DMD: variants seen among roughly 807,000 people sequenced by gnomAD.
DMD encodes the protein mutant dystrophin.
Under a neutral mutation model 330.1 loss-of-function variants are expected in DMD, and 63 were observed. The observed-to-expected ratio is 0.19, with a 90% CI of 0.16 to 0.24. DMD has a LOEUF of 0.24. Ranked by LOEUF, DMD falls within the 10% of genes least tolerant of loss-of-function variation. The pLI, the probability that DMD is intolerant of heterozygous loss-of-function variation, is 1.00. For missense variants in DMD, 3,344 were observed against 2,684.1 expected, an observed-to-expected ratio of 1.25 and a Z score of -5.43; for synonymous variants, 1,223 against 959.8, an observed-to-expected ratio of 1.27 and a Z score of -5.07.
intron 1 of DMD, among the ~76,000 whole-genome samples, chrX:33,045,315 T>TACACACACACACACAC (rs55970492): frequency 0.076 from 7,314 of 96,539 alleles, 255 homozygotes; most frequent in Admixed American, 0.11. Flanking sequence ...CACAGGTGCG[T>TACACACACACACACAC]ACACACACAC....
chrX:31,765,624 A>G (rs1415817914), intron 51 of DMD, among the ~76,000 whole-genome samples: 1 of 112,157 alleles, frequency 8.9e-6, no homozygotes, highest in Non-Finnish European at 1.9e-5. Flanking sequence ...CTATTAAAAT[A>G]TCTACTTAAT....
At chrX:31,677,951 T>C (rs2082169926) in intron 53 of DMD, among the ~76,000 whole-genome samples, 1 of 112,101 alleles carries the variant, frequency 8.9e-6, no homozygotes, top group South Asian at 3.7e-4. Flanking sequence ...TAAAACACCA[T>C]GGATTGACTG....
intron 48 of DMD, among the ~76,000 whole-genome samples, chrX:31,847,436 G>T (rs975812597): frequency 1.3e-4 from 15 of 111,441 alleles, no homozygotes; most frequent in African/African-American, 4.9e-4. Context: ...TTATTTGCAG[G>T]TTGAATTTAT....
chrX:32,223,103 GT>G (rs1243974837), intron 43 of DMD, among the ~76,000 whole-genome samples: 1 of 111,571 alleles, frequency 9.0e-6, no homozygotes, highest in Non-Finnish European at 1.9e-5. Flanking sequence ...GATTGTCTTA[GT>G]CTGTTTGTGC....
At chrX:33,039,278 G>A (rs2094257227) in intron 1 of DMD, among the ~76,000 whole-genome samples, 1 of 111,107 alleles carries the variant, frequency 9.0e-6, no homozygotes, top group Non-Finnish European at 1.9e-5. Context: ...ACTCCCTGGT[G>A]ACTGCACTTG....
At chrX:31,528,143 G>C (rs1419970760) in intron 55 of DMD, among the ~76,000 whole-genome samples, 1 of 106,791 alleles carries the variant, frequency 9.4e-6, no homozygotes, top group Non-Finnish European at 1.9e-5. Context: ...ATGGAGAGAT[G>C]TCTTGTTTTA....
At chrX:33,256,192 T>A (rs1403248913) in intron 1 of DMD, among the ~76,000 whole-genome samples, 1 of 111,441 alleles carries the variant, frequency 9.0e-6, no homozygotes, top group African/African-American at 3.2e-5. Flanking sequence ...CAAGCTAGCA[T>A]GCTATACATC....
At chrX:32,409,529 C>T (rs928169713) in intron 30 of DMD, among the ~76,000 whole-genome samples, 40 of 111,533 alleles carry the variant, frequency 3.6e-4, no homozygotes, top group African/African-American at 1.3e-3. Context: ...TGCCCCTTAT[C>T]ACAACCTGTT....
At chrX:32,059,402 C>T (rs1037444754) in intron 44 of DMD, among the ~76,000 whole-genome samples, 2 of 111,219 alleles carry the variant, frequency 1.8e-5, no homozygotes, top group Admixed American at 9.6e-5. Flanking sequence ...TGCAACTTCT[C>T]GTGAGGGTGG....
chrX:32,630,229 C>T (rs2058642021), intron 11 of DMD, among the ~76,000 whole-genome samples: 1 of 111,534 alleles, frequency 9.0e-6, no homozygotes, highest in African/African-American at 3.3e-5. Flanking sequence ...AAGTCTTTTC[C>T]TTCAGCACTT....
At chrX:32,448,664 A>G (rs1377024875) in intron 26 of DMD, 26 bp from the exon 27 acceptor site, 7 of 1,150,074 alleles carry the variant, frequency 6.1e-6, no homozygotes, top group Non-Finnish European at 7.0e-6. Flanking sequence ...TGCTCTCTTA[A>G]TAGCATGAAA....
At chrX:31,709,278 C>T (rs894307463) in intron 52 of DMD, among the ~76,000 whole-genome samples, 7 of 111,043 alleles carry the variant, frequency 6.3e-5, no homozygotes, top group African/African-American at 2.3e-4. Flanking sequence ...CTCAATCAAT[C>T]AATCAATCAA....
intron 13 of DMD, among the ~76,000 whole-genome samples, chrX:32,595,210 G>C (rs5928034): frequency 1.8e-5 from 2 of 111,003 alleles, no homozygotes; most frequent in Admixed American, 9.6e-5. Context: ...TTGGGCCAAA[G>C]AAATAAAGGC....
At chrX:32,904,786 G>A (rs2086593906) in intron 2 of DMD, among the ~76,000 whole-genome samples, 2 of 111,597 alleles carry the variant, frequency 1.8e-5, no homozygotes, top group African/African-American at 3.3e-5. Context: ...ATGTTGGCCA[G>A]GCTGGTCTTG....
chrX:32,535,629 C>A (rs771177617), intron 17 of DMD, among the ~76,000 whole-genome samples: 1 of 111,694 alleles, frequency 9.0e-6, no homozygotes, highest in Non-Finnish European at 1.9e-5. Context: ...ATATTAGCAG[C>A]TTCCTTACGT....
chrX:32,070,055 C>G (rs1341928845), intron 44 of DMD, among the ~76,000 whole-genome samples: 1 of 111,331 alleles, frequency 9.0e-6, no homozygotes, highest in East Asian at 2.9e-4. Flanking sequence ...GGGAGGAAAG[C>G]AGGCTTGATC....
Position 32,342,200 on chromosome X carries a change from G to T in DMD, c.5822C>A (p.Ala1941Asp). Residue 1941 changes from alanine to aspartate, a missense_variant, in exon 41 of 79, where the codon GCC (alanine) becomes GAC (aspartate). Coordinates refer to ENST00000357033, the MANE Select transcript of DMD (RefSeq NM_004006.3). Reference protein sequence around the residue: ...RQAEGLSEDGAAMAVEPTQIQ... With the variant: ...RQAEGLSEDGDAMAVEPTQIQ... ...CTGAGTTGGCTCCACTGCCATTGCG[G>T]CCCCATCCTCAGACAAGCCCTCAGC... 8.3e-7 allele frequency: 1 copy of T among 1,210,962 alleles called. No homozygotes were observed. Among genetic ancestry groups the T allele is most frequent in the Non-Finnish European group, 1.1e-6 (1 of 894,984 alleles).
At chrX:32,830,430 G>A (rs2079063881) in intron 4 of DMD, among the ~76,000 whole-genome samples, 1 of 110,930 alleles carries the variant, frequency 9.0e-6, no homozygotes, top group Non-Finnish European at 1.9e-5. Flanking sequence ...TGTCTACTAA[G>A]CAAAACAGAA....
chrX:31,712,318 G>A (rs1408735805), intron 52 of DMD, among the ~76,000 whole-genome samples: 1 of 110,995 alleles, frequency 9.0e-6, no homozygotes, highest in Non-Finnish European at 1.9e-5. Flanking sequence ...TATGGGAACA[G>A]ACCCCATAGC....
Sources: gnomAD v4.1 joint callset for allele counts (sites outside exome capture counted in the v4.1 genomes callset) on GRCh38, gnomAD v4.1.1 for gene constraint, MANE v1.5 for transcripts, NCBI Gene and HGNC (gene_info 2026-07-23, HGNC 2026-07-21) for gene names.